SLC1A2: variants seen among roughly 807,000 people sequenced by gnomAD.
SLC1A2 encodes solute carrier family 1 member 2, also known as excitatory amino acid transporter 2.
Under a neutral mutation model 48.8 loss-of-function variants are expected in SLC1A2, and 15 were observed. That is an observed-to-expected ratio of 0.31 (90% CI 0.21 to 0.47). The LOEUF is 0.47. Among genes scored for constraint, SLC1A2 ranks in the 20% least tolerant of loss-of-function variants. The pLI is 0.99. For synonymous variants in SLC1A2, 279 were observed against 272.6 expected, an observed-to-expected ratio of 1.02 and a Z score of -0.23; for missense variants, 502 against 730.5, an observed-to-expected ratio of 0.69 and a Z score of 3.61.
At position 35,317,450 on chromosome 11, in the gene SLC1A2, G is replaced by A. The variant is rs755035215; in HGVS notation, c.84C>T (p.Pro28=). The change falls in exon 2 of 11, where the codon CCC becomes CCT. Residue 28 remains proline (P), a synonymous_variant. Coordinates refer to ENST00000278379, the MANE Select transcript of SLC1A2 (RefSeq NM_004171.4). ...GGCGCAGGCCCAGGTGCCGGTGCTT[G>A]GGTTCCTCTGAGCCAAGATGACTGT... is the stretch of plus-strand genomic sequence containing the variant. ...MHDSHLGSEE[P]KHRHLGLRLC... The A allele has an allele frequency of 2.5e-6, 4 of 1,614,148 alleles. No individual in the cohort carries two copies. The South Asian group carries it at 3.3e-5, about 13-fold the overall frequency.
chr11:35,286,909 A>G lies in SLC1A2; in HGVS notation c.1134T>C (p.Asn378=). Residue 378 remains asparagine, a synonymous_variant, in exon 8 of 11, where the codon AAT becomes AAC. Transcript: ENST00000278379. ...TAGTCACACGCTTATCAATCCCCAG[A>G]TTTTCTTCCAGGCAACGAAAGGTGA... ...LPVTFRCLEE[N]LGIDKRVTRF... 6.2e-7 allele frequency: 1 copy of G among 1,614,030 alleles called. No individual in the cohort carries two copies. Among genetic ancestry groups the G allele is most frequent in the Non-Finnish European group, 8.5e-7 (1 of 1,179,952 alleles).
chr11:35,339,101 A>C (rs990758535), intron 1 of SLC1A2, among the ~76,000 whole-genome samples: 3 of 152,222 alleles, frequency 2.0e-5, no homozygotes, highest in African/African-American at 7.2e-5. Flanking sequence ...CTTCTCATGC[A>C]GTAATTTGGG....
chr11:35,397,894 G>A (rs1207519412), intron 1 of SLC1A2, among the ~76,000 whole-genome samples: 1 of 152,178 alleles, frequency 6.6e-6, no homozygotes, highest in Middle Eastern at 3.2e-3. Flanking sequence ...AAGCCACCCA[G>A]TTTATGGAAT....
chr11:35,402,343 A>G (rs914164851), intron 1 of SLC1A2, among the ~76,000 whole-genome samples: 1 of 151,934 alleles, frequency 6.6e-6, no homozygotes, highest in Non-Finnish European at 1.5e-5. Flanking sequence ...CTAATAATGT[A>G]CCCTCCATAA....
At chr11:35,279,704 A>C (rs1320040132) in intron 9 of SLC1A2, among the ~76,000 whole-genome samples, 1 of 152,240 alleles carries the variant, frequency 6.6e-6, no homozygotes, top group Non-Finnish European at 1.5e-5. Context: ...AGGGTCGAAT[A>C]TCTGTCCATT....
chr11:35,335,568 G>C (rs968828935), intron 1 of SLC1A2, among the ~76,000 whole-genome samples: 2 of 152,138 alleles, frequency 1.3e-5, no homozygotes, highest in Admixed American at 6.5e-5. Flanking sequence ...TTTTTAATTT[G>C]AGATTTTCCT....
At chr11:35,340,019 G>A (rs1023593882) in intron 1 of SLC1A2, among the ~76,000 whole-genome samples, 3 of 152,188 alleles carry the variant, frequency 2.0e-5, no homozygotes, top group Non-Finnish European at 1.5e-5. Flanking sequence ...AAATTTAAAT[G>A]ACCAAAACCC....
chr11:35,417,653 A>G (rs2135312017), intron 1 of SLC1A2, among the ~76,000 whole-genome samples: 1 of 152,354 alleles, frequency 6.6e-6, no homozygotes, highest in East Asian at 1.9e-4. Flanking sequence ...ATAATCAAAA[A>G]AGTCTAAACT....
chr11:35,415,126 G>T (rs894683418), intron 1 of SLC1A2, among the ~76,000 whole-genome samples: 3 of 152,178 alleles, frequency 2.0e-5, no homozygotes, highest in Admixed American at 1.3e-4. Context: ...TATATTGCTC[G>T]TTTTTTGCAG....
At chr11:35,352,052 C>T (rs1853278816) in intron 1 of SLC1A2, among the ~76,000 whole-genome samples, 1 of 152,170 alleles carries the variant, frequency 6.6e-6, no homozygotes, top group Non-Finnish European at 1.5e-5. Context: ...CTTATTGCTT[C>T]TTTCCTTTAT....
At chr11:35,328,372 C>A (rs1852315903) in intron 1 of SLC1A2, among the ~76,000 whole-genome samples, 1 of 152,174 alleles carries the variant, frequency 6.6e-6, no homozygotes, top group Non-Finnish European at 1.5e-5. Flanking sequence ...ATGACAGCAG[C>A]TAACATTTAC....
At chr11:35,410,037 TG>T (rs1162336379) in intron 1 of SLC1A2, among the ~76,000 whole-genome samples, 1 of 152,206 alleles carries the variant, frequency 6.6e-6, no homozygotes, top group Non-Finnish European at 1.5e-5. Flanking sequence ...TGACTATTTC[TG>T]GAGAACAGGA....
intron 9 of SLC1A2, among the ~76,000 whole-genome samples, chr11:35,273,392 A>G (rs1850340486): frequency 1.3e-5 from 2 of 152,228 alleles, no homozygotes. Flanking sequence ...CAAGCATTAA[A>G]GATTTCTTAG....
At chr11:35,373,345 C>T (rs984247019) in intron 1 of SLC1A2, among the ~76,000 whole-genome samples, 1 of 152,144 alleles carries the variant, frequency 6.6e-6, no homozygotes, top group Non-Finnish European at 1.5e-5. Context: ...TTTCCATAGC[C>T]AGGTTGGGCC....
At chr11:35,290,344 T>A (rs1240292035) in intron 7 of SLC1A2, among the ~76,000 whole-genome samples, 2 of 152,172 alleles carry the variant, frequency 1.3e-5, no homozygotes, top group African/African-American at 4.8e-5. Context: ...TGCATTGTAG[T>A]ACATACAGTG....
intron 1 of SLC1A2, among the ~76,000 whole-genome samples, chr11:35,388,567 G>A (rs146454457): frequency 5.2e-4 from 79 of 152,160 alleles, no homozygotes; most frequent in Non-Finnish European, 9.1e-4. Context: ...TTAAATTTTT[G>A]TATTTTTTAT....
intron 1 of SLC1A2, among the ~76,000 whole-genome samples, chr11:35,349,806 T>C (rs1344745481): frequency 6.6e-6 from 1 of 152,112 alleles, no homozygotes; most frequent in Non-Finnish European, 1.5e-5. Flanking sequence ...GAACACACAG[T>C]CTTTGGGCTC....
intron 1 of SLC1A2, among the ~76,000 whole-genome samples, chr11:35,318,623 A>T (rs1851957946): frequency 6.6e-6 from 1 of 152,210 alleles, no homozygotes; most frequent in African/African-American, 2.4e-5. Context: ...TAATGGGAAT[A>T]GTGTGGGTTT....
chr11:35,296,035 C>T (rs1189978156), intron 6 of SLC1A2, among the ~76,000 whole-genome samples: 1 of 152,228 alleles, frequency 6.6e-6, no homozygotes, highest in Non-Finnish European at 1.5e-5. Flanking sequence ...TAATTCTGAT[C>T]TGTTTGAAAA....
Sources: allele counts gnomAD v4.1 joint callset (sites outside exome capture counted in the v4.1 genomes callset), GRCh38; gene constraint gnomAD v4.1.1; transcripts MANE v1.5; gene names NCBI Gene and HGNC (gene_info 2026-07-23, HGNC 2026-07-21).